SYNPO2: variants seen among roughly 807,000 people sequenced by gnomAD.
SYNPO2 encodes synaptopodin 2.
SYNPO2 carries 56 observed loss-of-function variants against 85.0 expected under a neutral mutation model. The observed-to-expected ratio is 0.66, with a 90% CI of 0.53 to 0.82. The LOEUF (loss-of-function observed/expected upper bound fraction) is 0.82, where lower values mean the gene tolerates loss of function less well. Among genes scored for constraint, SYNPO2 ranks in the 40% least tolerant of loss-of-function variants. SYNPO2 has a pLI of 0.00. For missense variants in SYNPO2, 1,575 were observed against 1,534.2 expected (o/e 1.03, Z -0.44); for synonymous variants, 602 against 591.1 (o/e 1.02, Z -0.27).
intron 2 of SYNPO2, among the ~76,000 whole-genome samples, chr4:119,023,969 A>G (rs912256140): frequency 5.3e-5 from 8 of 152,204 alleles, no homozygotes; most frequent in African/African-American, 1.7e-4. Context: ...TAAATATTAG[A>G]CCATTAAACT....
intron 1 of SYNPO2, among the ~76,000 whole-genome samples, chr4:118,939,462 A>G (rs1433884072): frequency 1.3e-5 from 2 of 152,200 alleles, no homozygotes; most frequent in Non-Finnish European, 2.9e-5. Flanking sequence ...ATTGCTAACA[A>G]TGAGGTAGCC....
chr4:118,903,462 C>T (rs1328700355), intron 1 of SYNPO2, among the ~76,000 whole-genome samples: 1 of 152,076 alleles, frequency 6.6e-6, no homozygotes, highest in East Asian at 1.9e-4. Flanking sequence ...GAGCAGTAGT[C>T]CAATTCACTG....
At chr4:119,028,652 AC>A (rs1738081818) in intron 3 of SYNPO2, among the ~76,000 whole-genome samples, 1 of 152,148 alleles carries the variant, frequency 6.6e-6, no homozygotes, top group African/African-American at 2.4e-5. Flanking sequence ...AAATTCGATC[AC>A]CAGTAAATGC....
chr4:118,874,891 A>G lies in SYNPO2; in HGVS notation c.12+23951A>G, dbSNP rs145562564. Among the ~76,000 whole-genome samples, 105 of 152,304 alleles carry G rather than the reference A, an allele frequency of 6.9e-4. No homozygotes were observed. The East Asian group carries it at 0.019, about 28-fold the overall frequency. On this transcript the variant is annotated intron_variant, in intron 1 of 4. Transcript: ENST00000610556. ...CAACTTTTTGTTTAACTTTGGGGGT[A>G]CATGTGCAGAATGTGCAGGTTTGTT... is the stretch of plus-strand genomic sequence containing the variant.
At chr4:118,931,655 A>T (rs1393033815) in intron 1 of SYNPO2, among the ~76,000 whole-genome samples, 1 of 152,210 alleles carries the variant, frequency 6.6e-6, no homozygotes, top group Admixed American at 6.5e-5. Context: ...ATAGAAAATT[A>T]TGTAAGCAAA....
chr4:118,887,561 T>C (rs149240477), upstream of SYNPO2, among the ~76,000 whole-genome samples: 463 of 152,258 alleles, frequency 3.0e-3, no homozygotes, highest in Non-Finnish European at 3.3e-3. Flanking sequence ...TCACCAAAAA[T>C]TGGGTCCATG....
chr4:118,928,581 T>C (rs1484800407), intron 1 of SYNPO2, among the ~76,000 whole-genome samples: 1 of 152,186 alleles, frequency 6.6e-6, no homozygotes, highest in Admixed American at 6.5e-5. Flanking sequence ...GTAACATTTA[T>C]GTAGAAAGAT....
chr4:119,035,020 G>C (rs189209939), intron 4 of SYNPO2: 1 of 985,334 alleles, frequency 1.0e-6, no homozygotes, highest in Non-Finnish European at 1.2e-6. Flanking sequence ...GAGCATCCAC[G>C]AAGTCGGTTT....
chr4:118,862,490 G>C (rs1731626831), intron 1 of SYNPO2, among the ~76,000 whole-genome samples: 2 of 152,086 alleles, frequency 1.3e-5, no homozygotes. Flanking sequence ...ATTATGTTGA[G>C]GTACATACCT....
intron 1 of SYNPO2, among the ~76,000 whole-genome samples, chr4:118,951,669 T>C (rs1734701175): frequency 6.6e-6 from 1 of 152,172 alleles, no homozygotes; most frequent in South Asian, 2.1e-4. Context: ...TTTATAGTAA[T>C]ATAGGCCATG....
At chr4:118,920,332 A>G (rs776433703) in intron 1 of SYNPO2, among the ~76,000 whole-genome samples, 1 of 152,170 alleles carries the variant, frequency 6.6e-6, no homozygotes, top group African/African-American at 2.4e-5. Flanking sequence ...GCAATTTTAT[A>G]TAAGAACTCA....
intron 1 of SYNPO2, among the ~76,000 whole-genome samples, chr4:118,853,568 T>C (rs766009483): frequency 2.6e-5 from 4 of 152,078 alleles, no homozygotes; most frequent in African/African-American, 4.8e-5. Context: ...ATCTCTCTAG[T>C]TTAGAACTTT....
chr4:119,029,676 G>A (rs1016976291), intron 3 of SYNPO2, among the ~76,000 whole-genome samples, 169 bp from the exon 4 acceptor site: 23 of 152,070 alleles, frequency 1.5e-4, no homozygotes, highest in African/African-American at 4.6e-4. Context: ...AAGGAAACAT[G>A]TTAAGAGAAA....
At chr4:118,936,083 G>A (rs187345646) in intron 1 of SYNPO2, among the ~76,000 whole-genome samples, 2 of 152,276 alleles carry the variant, frequency 1.3e-5, no homozygotes, top group Admixed American at 6.5e-5. Flanking sequence ...TGTTGCTCAA[G>A]GGTCAACTGT....
At chr4:119,026,544 G>C in intron 2 of SYNPO2, 83 bp from the exon 3 acceptor site, 2 of 1,396,448 alleles carry the variant, frequency 1.4e-6, no homozygotes, top group Non-Finnish European at 1.9e-6. Flanking sequence ...TCACATATTA[G>C]ACATCACAAA....
At chr4:119,016,077 A>G (rs1332919326) in intron 1 of SYNPO2, among the ~76,000 whole-genome samples, 1 of 152,250 alleles carries the variant, frequency 6.6e-6, no homozygotes, top group Non-Finnish European at 1.5e-5. Flanking sequence ...CAGAAGTTTT[A>G]GTGAACTTTA....
chr4:119,058,160 A>G lies in SYNPO2; in HGVS notation c.*226A>G. On this transcript the variant is annotated 3_prime_UTR_variant, in exon 5 of 5. Coordinates refer to ENST00000307142, the MANE Select transcript of SYNPO2 (RefSeq NM_133477.3). ...AGTGTGAATACTTCCTTGTTGGCTG[A>G]TCCATAGAGCATTACTTGGAAGAAA... The G allele has an allele frequency of 6.0e-6, 2 of 333,322 alleles. No individual in the cohort carries two copies. The highest frequency in any genetic ancestry group is 1.1e-5 in the Non-Finnish European group (2 of 181,074). 20.6% of individuals were successfully genotyped at this position (333,322 alleles called of 1,614,324 possible).
At chr4:118,878,533 T>C (rs1045144743) in intron 1 of SYNPO2, among the ~76,000 whole-genome samples, 2 of 152,144 alleles carry the variant, frequency 1.3e-5, no homozygotes, top group Non-Finnish European at 2.9e-5. Flanking sequence ...CCTAAAGGAT[T>C]GTAAACGCAC....
chr4:118,957,912 C>T (rs1734935846), intron 1 of SYNPO2, among the ~76,000 whole-genome samples: 1 of 152,176 alleles, frequency 6.6e-6, no homozygotes, highest in Admixed American at 6.5e-5. Flanking sequence ...CTGCTCACTC[C>T]CGTCAGAGCT....
Sources: allele counts gnomAD v4.1 joint callset (sites outside exome capture counted in the v4.1 genomes callset), GRCh38; gene constraint gnomAD v4.1.1; transcripts MANE v1.5; gene names NCBI Gene and HGNC (gene_info 2026-07-23, HGNC 2026-07-21).